Variants in CHRM3 observed in about 807,000 individuals in gnomAD.
CHRM3 encodes the protein muscarinic acetylcholine receptor M3.
A neutral mutation model predicts 41.8 loss-of-function variants in CHRM3; 11 were observed. The observed-to-expected ratio is 0.26, with a 90% CI of 0.17 to 0.44. The LOEUF (loss-of-function observed/expected upper bound fraction) is 0.44. CHRM3 is among the 20% of genes least tolerant of loss of function. CHRM3 has a pLI of 1.00. For missense variants in CHRM3, 571 were observed against 745.4 expected (o/e 0.77, Z 2.72); for synonymous variants, 297 against 301.4 (o/e 0.99, Z 0.15).
chr1:239,540,271 T>A (rs187953444), intron 2 of CHRM3, among the ~76,000 whole-genome samples: 1 of 152,302 alleles, frequency 6.6e-6, no homozygotes, highest in East Asian at 1.9e-4. Context: ...ACTACAGAAG[T>A]CGGCATCATA....
intron 6 of CHRM3, among the ~76,000 whole-genome samples, chr1:239,882,950 G>T (rs534453477): frequency 3.9e-5 from 6 of 152,186 alleles, no homozygotes; most frequent in African/African-American, 9.7e-5. Context: ...GCGGCTCTTC[G>T]CAGAGAAAGG....
intron 1 of CHRM3, among the ~76,000 whole-genome samples, chr1:239,408,521 CAAAAAAAAAAA>C (rs371319364): frequency 1.6e-5 from 1 of 61,268 alleles, no homozygotes; most frequent in Admixed American, 2.0e-4. Context: ...GAGACTCCGT[CAAAAAAAAAAA>C]AAAAAAAAAA....
chr1:239,471,484 C>A (rs540068980), intron 1 of CHRM3, among the ~76,000 whole-genome samples: 9 of 152,310 alleles, frequency 5.9e-5, no homozygotes, highest in Non-Finnish European at 1.0e-4. Context: ...TCCATACATA[C>A]TTGGGGTTGT....
At chr1:239,446,097 C>T (rs547944821) in intron 1 of CHRM3, among the ~76,000 whole-genome samples, 33 of 152,116 alleles carry the variant, frequency 2.2e-4, no homozygotes, top group African/African-American at 5.1e-4. Flanking sequence ...CCACCACACC[C>T]GGCTAATTTT....
intron 6 of CHRM3, among the ~76,000 whole-genome samples, chr1:239,831,110 G>T (rs1672862012): frequency 6.6e-6 from 1 of 152,128 alleles, no homozygotes; most frequent in Admixed American, 6.5e-5. Flanking sequence ...GGTAAAAGCA[G>T]CATTGCTTAG....
intron 5 of CHRM3, among the ~76,000 whole-genome samples, chr1:239,777,389 G>A (rs1668174746): frequency 1.3e-5 from 2 of 152,146 alleles, no homozygotes; most frequent in Non-Finnish European, 1.5e-5. Context: ...ATTTAATGAG[G>A]TGATGTTTAA....
At chr1:239,754,145 C>T (rs1458412379) in intron 5 of CHRM3, among the ~76,000 whole-genome samples, 1 of 152,146 alleles carries the variant, frequency 6.6e-6, no homozygotes, top group Non-Finnish European at 1.5e-5. Flanking sequence ...TAAGTATGTG[C>T]AGACTATTTA....
chr1:239,619,433 T>C (rs962560510), intron 3 of CHRM3, among the ~76,000 whole-genome samples: 3 of 152,138 alleles, frequency 2.0e-5, no homozygotes, highest in Non-Finnish European at 2.9e-5. Flanking sequence ...GTCCTACATA[T>C]AGAACAAAAT....
chr1:239,810,188 C>T (rs1262055987), intron 5 of CHRM3, among the ~76,000 whole-genome samples: 1 of 152,106 alleles, frequency 6.6e-6, no homozygotes, highest in East Asian at 1.9e-4. Flanking sequence ...TTTTGCATTC[C>T]CTAGGGCCGT....
At chr1:239,755,751 C>G (rs1009799041) in intron 5 of CHRM3, among the ~76,000 whole-genome samples, 17 of 152,222 alleles carry the variant, frequency 1.1e-4, no homozygotes, top group African/African-American at 3.4e-4. Context: ...CTGGTGATCA[C>G]CATAACCATA....
rs114376283 is a variant in CHRM3 at position 239,868,652 on chromosome 1, G to A, written c.-19-38781G>A. Among the ~76,000 whole-genome samples the A allele has an allele frequency of 1.7e-3, 258 of 152,160 alleles. 1 individual carries two copies. The highest frequency in any genetic ancestry group is 2.8e-3 in the Non-Finnish European group (192 of 68,024). ...GTAGTCACATCCCCCTTCAGCTCCC[G>A]TCCTGCCCAGCTGAATAAAGAAGAC... On this transcript the variant is annotated intron_variant, in intron 6 of 6. Transcript: ENST00000676153.
intron 5 of CHRM3, among the ~76,000 whole-genome samples, chr1:239,803,968 C>A (rs1294940655): frequency 6.6e-6 from 1 of 152,188 alleles, no homozygotes; most frequent in Non-Finnish European, 1.5e-5. Flanking sequence ...TCCTGCCTTT[C>A]TAAGACTTGC....
At chr1:239,479,190 C>CCACATA (rs71567247) in intron 1 of CHRM3, among the ~76,000 whole-genome samples, 112 of 139,988 alleles carry the variant, frequency 8.0e-4, no homozygotes, top group Middle Eastern at 3.6e-3. Context: ...TTTCAAAAAA[C>CCACATA]CACACACACA....
At chr1:239,417,625 A>G (rs1661607522) in intron 1 of CHRM3, among the ~76,000 whole-genome samples, 2 of 136,750 alleles carry the variant, frequency 1.5e-5, no homozygotes, top group African/African-American at 5.6e-5. Context: ...GCACCTACAT[A>G]TGTATACGGA....
At chr1:239,575,433 T>C (rs1268195900) in intron 3 of CHRM3, among the ~76,000 whole-genome samples, 2 of 152,190 alleles carry the variant, frequency 1.3e-5, no homozygotes, top group Non-Finnish European at 1.5e-5. Flanking sequence ...ACCCAAATAA[T>C]TCATATTCTT....
chr1:239,822,115 G>A (rs1377950499), intron 5 of CHRM3, among the ~76,000 whole-genome samples: 2 of 152,154 alleles, frequency 1.3e-5, no homozygotes, highest in Non-Finnish European at 2.9e-5. Flanking sequence ...AGCAGTGTGA[G>A]AACAGACTAG....
chr1:239,401,758 G>A (rs1659997800), intron 1 of CHRM3, among the ~76,000 whole-genome samples: 1 of 152,074 alleles, frequency 6.6e-6, no homozygotes, highest in Admixed American at 6.6e-5. Flanking sequence ...CTCCCAAATT[G>A]CTGGGATTAC....
At chr1:239,478,881 C>T (rs1666633358) in intron 1 of CHRM3, among the ~76,000 whole-genome samples, 1 of 151,928 alleles carries the variant, frequency 6.6e-6, no homozygotes, top group African/African-American at 2.4e-5. Context: ...TGGTTTTTCA[C>T]AAATTAAAAA....
intron 3 of CHRM3, among the ~76,000 whole-genome samples, chr1:239,560,106 AG>A (rs1660720444): frequency 2.0e-5 from 3 of 152,220 alleles, no homozygotes; most frequent in Non-Finnish European, 4.4e-5. Context: ...CACAGGAAAA[AG>A]TATTGAGAAA....
Sources: allele counts gnomAD v4.1 joint callset (sites outside exome capture counted in the v4.1 genomes callset), GRCh38; gene constraint gnomAD v4.1.1; transcripts MANE v1.5; gene names NCBI Gene and HGNC (gene_info 2026-07-23, HGNC 2026-07-21).